Variants in TRAT1 observed in about 807,000 individuals in gnomAD.
TRAT1 encodes T cell receptor associated transmembrane adaptor 1.
TRAT1 carries 20 observed loss-of-function variants against 20.0 expected under a neutral mutation model. The ratio of observed to expected loss-of-function variants is 1.00; its 90% CI spans 0.70 to 1.45. The LOEUF (loss-of-function observed/expected upper bound fraction) is 1.45. Ranked by LOEUF, TRAT1 falls within the 40% of genes most tolerant of loss-of-function variation. The pLI, the probability that TRAT1 is intolerant of heterozygous loss-of-function variation, is 0.00. For missense variants in TRAT1, 237 were observed against 224.1 expected, an observed-to-expected ratio of 1.06 and a Z score of -0.37; for synonymous variants, 77 against 74.2, an observed-to-expected ratio of 1.04 and a Z score of -0.20.
At chr3:108,841,326 A>C (rs1945895193) in intron 3 of TRAT1, among the ~76,000 whole-genome samples, 2 of 152,218 alleles carry the variant, frequency 1.3e-5, no homozygotes, top group Non-Finnish European at 2.9e-5. Context: ...TTTAATTCAC[A>C]AGTTTATGTA....
chr3:108,825,567 G>A (rs1230481631), intron 1 of TRAT1, among the ~76,000 whole-genome samples: 1 of 152,106 alleles, frequency 6.6e-6, no homozygotes, highest in Non-Finnish European at 1.5e-5. Context: ...ATGGGTCAAA[G>A]ACAATGTTTC....
intron 3 of TRAT1, among the ~76,000 whole-genome samples, chr3:108,845,623 C>T (rs773890829): frequency 7.9e-5 from 12 of 152,110 alleles, no homozygotes; most frequent in South Asian, 2.1e-4. Flanking sequence ...TTTTTTAATA[C>T]CTACGTACTA....
intron 2 of TRAT1, among the ~76,000 whole-genome samples, chr3:108,832,133 G>C (rs1000521296): frequency 3.9e-5 from 6 of 152,128 alleles, no homozygotes; most frequent in Non-Finnish European, 7.4e-5. Context: ...AATAAGATGA[G>C]AGGTACTCGA....
Position 108,849,252 on chromosome 3 carries a change from C to A in TRAT1, c.301C>A (p.Gln101Lys). Residue 101 changes from glutamine to lysine, a missense_variant and splice_region_variant, in exon 5 of 6, where the codon CAG (glutamine) becomes AAG (lysine). Gln to Lys is a moderately conservative substitution (Grantham distance 53). Transcript: ENST00000295756. ...NKMQEATPSA[Q>K]ATNETQMCYA... ...GATGCAGGAAGCCACCCCATCTGCA[C>A]AGGTGAGTTTTGTTTTCTGTTTCCA... 6.2e-7 allele frequency: 1 copy of A among 1,613,334 alleles called. No homozygotes were observed. The highest frequency in any genetic ancestry group is 8.5e-7 in the Non-Finnish European group (1 of 1,179,426).
intron 5 of TRAT1, among the ~76,000 whole-genome samples, chr3:108,853,277 G>A (rs530348562): frequency 7.9e-5 from 12 of 152,194 alleles, no homozygotes; most frequent in South Asian, 6.2e-4. Context: ...CTGGAGTATC[G>A]TTACTTGGTA....
chr3:108,833,444 C>T (rs1475898182), intron 2 of TRAT1, among the ~76,000 whole-genome samples: 1 of 151,996 alleles, frequency 6.6e-6, no homozygotes, highest in Non-Finnish European at 1.5e-5. Context: ...AAAAAAACCA[C>T]GTTTTCATTT....
At chr3:108,846,960 A>T (rs1945952416) in intron 3 of TRAT1, 108 bp from the exon 4 acceptor site, 2 of 787,246 alleles carry the variant, frequency 2.5e-6, no homozygotes, top group Admixed American at 5.0e-5. Flanking sequence ...GCTGGGGGTA[A>T]CCAAGAATAG....
In TRAT1 at chr3:108,840,875, C is replaced by A. The variant is rs552814630; in HGVS notation, c.152+1908C>A. On this transcript the variant is annotated intron_variant, in intron 3 of 5. Transcript: ENST00000295756. ...GATAGTTCCCCAAGCCTCAGAAAAG[C>A]TGTCCAAGGTGGATGGAAACTCATC... Among the ~76,000 whole-genome samples the A allele has an allele frequency of 3.3e-5, 5 of 152,380 alleles. No individual in the cohort carries two copies. The East Asian group carries it at 9.6e-4, about 29-fold the overall frequency.
At chr3:108,827,286 G>C (rs1945749499) in intron 1 of TRAT1, among the ~76,000 whole-genome samples, 1 of 151,962 alleles carries the variant, frequency 6.6e-6, no homozygotes, top group African/African-American at 2.4e-5. Flanking sequence ...TATTCTAAGA[G>C]GCACTGTCTG....
At chr3:108,846,672 C>T (rs1264837470) in intron 3 of TRAT1, among the ~76,000 whole-genome samples, 1 of 152,156 alleles carries the variant, frequency 6.6e-6, no homozygotes, top group Non-Finnish European at 1.5e-5. Flanking sequence ...TAATCTTGAG[C>T]AAGTCATATG....
At chr3:108,836,647 G>A (rs1364700441) in intron 2 of TRAT1, among the ~76,000 whole-genome samples, 1 of 152,086 alleles carries the variant, frequency 6.6e-6, no homozygotes, top group East Asian at 1.9e-4. Flanking sequence ...TATTTAGAAT[G>A]TATGTATAAT....
chr3:108,843,150 T>G (rs2107513104), intron 3 of TRAT1, among the ~76,000 whole-genome samples: 1 of 152,356 alleles, frequency 6.6e-6, no homozygotes, highest in African/African-American at 2.4e-5. Context: ...TCTGCATTGT[T>G]ACTTTTTCTG....
chr3:108,844,420 C>A (rs1945921022), intron 3 of TRAT1, among the ~76,000 whole-genome samples: 1 of 144,264 alleles, frequency 6.9e-6, no homozygotes, highest in East Asian at 1.9e-4. Context: ...TGGGTTCACG[C>A]CAGATTATTT....
rs1266354011 is a variant in TRAT1 at position 108,830,738 on chromosome 3, C to T, written c.76C>T (p.Leu26=). ...ALLGLALVIS[L]IFNISHYVEK... ...GTTGGGCTTGGCTTTGGTTATATCA[C>T]TGATCTTCAATATTTCCCACTATGT... The change falls in exon 2 of 6, where the codon CTG becomes TTG. Residue 26 remains leucine, a synonymous_variant. Coordinates refer to ENST00000295756, the MANE Select transcript of TRAT1 (RefSeq NM_016388.4). 2 of 1,613,930 alleles carry T rather than the reference C, an allele frequency of 1.2e-6. No homozygotes were observed. Among genetic ancestry groups the T allele is most frequent in the South Asian group, 1.1e-5 (1 of 91,074 alleles).
intron 2 of TRAT1, among the ~76,000 whole-genome samples, chr3:108,835,999 A>T (rs994288061): frequency 1.3e-5 from 2 of 152,098 alleles, no homozygotes; most frequent in African/African-American, 4.8e-5. Flanking sequence ...AGCTCACTAC[A>T]ACCTCTGCCT....
chr3:108,849,917 A>C (rs1407805960), intron 5 of TRAT1, among the ~76,000 whole-genome samples: 1 of 152,226 alleles, frequency 6.6e-6, no homozygotes, highest in Non-Finnish European at 1.5e-5. Context: ...TTTTTAGCCT[A>C]CATGCTCCTG....
At position 108,853,909 on chromosome 3, in the gene TRAT1, C is replaced by T. The variant is rs764994650; in HGVS notation, c.*32C>T. 8.7e-6 allele frequency: 14 copies of T among 1,604,204 alleles called. No homozygotes were observed. The highest frequency in any genetic ancestry group is 1.2e-5 in the Non-Finnish European group (14 of 1,173,392). ...CATGATCTAGTTCAATGATTTGGCT[C>T]CTATTGAAGATGGCTTCTAAGAAAA... On this transcript the variant is annotated 3_prime_UTR_variant, in exon 6 of 6. Transcript: ENST00000295756.
chr3:108,848,437 A>G (rs1945967169), intron 4 of TRAT1, among the ~76,000 whole-genome samples: 1 of 152,238 alleles, frequency 6.6e-6, no homozygotes, highest in Non-Finnish European at 1.5e-5. Flanking sequence ...GTTACTGGCC[A>G]TCCTATGAGT....
chr3:108,823,450 G>C (rs751525697), intron 1 of TRAT1, among the ~76,000 whole-genome samples: 13 of 152,146 alleles, frequency 8.5e-5, no homozygotes, highest in African/African-American at 3.1e-4. Flanking sequence ...GAAAGGGTTG[G>C]ATCCATATTG....
Sources: allele counts gnomAD v4.1 joint callset (sites outside exome capture counted in the v4.1 genomes callset), GRCh38; gene constraint gnomAD v4.1.1; transcripts MANE v1.5; gene names NCBI Gene and HGNC (gene_info 2026-07-23, HGNC 2026-07-21).